The following SMG5 variants were observed in gnomAD, a reference collection of about 807,000 sequenced individuals.
SMG5 encodes the protein SMG5 nonsense mediated mRNA decay factor, also known as nonsense-mediated mRNA decay factor SMG5.
Under a neutral mutation model 122.9 loss-of-function variants are expected in SMG5, and 53 were observed. That is an observed-to-expected ratio of 0.43 (90% CI 0.35 to 0.54). SMG5 has a LOEUF of 0.54. SMG5 is among the 20% of genes least tolerant of loss of function. SMG5 has a pLI of 0.01. For synonymous variants in SMG5, 477 were observed against 490.2 expected (o/e 0.97, Z 0.35); for missense variants, 1,153 against 1,285.6 (o/e 0.90, Z 1.58).
intron 7 of SMG5, among the ~76,000 whole-genome samples, chr1:156,270,267 G>A (rs747231336): frequency 1.8e-4 from 28 of 152,166 alleles, no homozygotes; most frequent in Non-Finnish European, 3.7e-4. Flanking sequence ...GAAGGGCTAT[G>A]ACCAATAGAA....
intron 6 of SMG5, among the ~76,000 whole-genome samples, chr1:156,272,641 C>T (rs1662488655): frequency 2.0e-5 from 3 of 150,670 alleles, no homozygotes; most frequent in Non-Finnish European, 3.0e-5. Context: ...GGTGTGATCT[C>T]GGCTCACTGC....
chr1:156,251,757 G>A (rs1256185833), intron 19 of SMG5, among the ~76,000 whole-genome samples: 2 of 152,226 alleles, frequency 1.3e-5, no homozygotes, highest in Non-Finnish European at 2.9e-5. Flanking sequence ...TGGAGACAAG[G>A]TCCGAACAAT....
At chr1:156,266,778 G>T in intron 10 of SMG5, 100 bp from the exon 11 acceptor site, 3 of 1,309,108 alleles carry the variant, frequency 2.3e-6, no homozygotes, top group South Asian at 1.5e-5. Flanking sequence ...CTCTTCCAAG[G>T]ATCCAACTAC....
chr1:156,262,624 C>T (rs1661908244), intron 13 of SMG5, among the ~76,000 whole-genome samples: 1 of 152,110 alleles, frequency 6.6e-6, no homozygotes, highest in Non-Finnish European at 1.5e-5. Context: ...TGTGCCCATA[C>T]TGGAACACCT....
intron 15 of SMG5, among the ~76,000 whole-genome samples, chr1:156,260,210 G>C (rs1236417218): frequency 3.3e-5 from 5 of 152,198 alleles, no homozygotes; most frequent in Non-Finnish European, 7.3e-5. Flanking sequence ...GAAAGGAAGG[G>C]GGTGGTTGTT....
intron 9 of SMG5, 77 bp downstream of exon 9, chr1:156,268,038 C>G: frequency 6.8e-7 from 1 of 1,468,496 alleles, no homozygotes; most frequent in Non-Finnish European, 9.4e-7. Context: ...ACAGTCCACC[C>G]TTGTCAAGGT....
At chr1:156,274,509 A>G in intron 5 of SMG5, 88 bp downstream of exon 5, 2 of 1,203,450 alleles carry the variant, frequency 1.7e-6, no homozygotes, top group South Asian at 1.2e-5. Context: ...CTGCTCTCCA[A>G]CCATGTAATG....
chr1:156,266,091 T>C lies in SMG5; in HGVS notation c.1545A>G (p.Glu515=), dbSNP rs1421544428. 7 of 1,614,072 alleles carry C rather than the reference T, an allele frequency of 4.3e-6. No individual in the cohort carries two copies. Among genetic ancestry groups the C allele is most frequent in the Non-Finnish European group, 3.4e-6 (4 of 1,180,032 alleles). The part of the protein sequence containing the change: ...GTAFDAETDS[E]MNSQESRSDL... ...CTGATCGGGACTCCTGGCTATTCAT[T>C]TCCGAGTCTGTTTCAGCATCAAAGG... The change falls in exon 12 of 22, where the codon GAA becomes GAG. Residue 515 remains glutamate, a synonymous_variant. Transcript: ENST00000361813.
In SMG5 at chr1:156,249,341, C is replaced by A. The variant is rs1261372533; in HGVS notation, c.*1246G>T. On this transcript the variant is annotated 3_prime_UTR_variant, in exon 22 of 22. Transcript: ENST00000361813. ...GACTTGCTATTTTAGAGGAGAGAGG[C>A]AGGAAGCCAACTATCCTCTAAGCCA... 5 of 207,962 alleles carry A rather than the reference C, an allele frequency of 2.4e-5. No homozygotes were observed. Among genetic ancestry groups the A allele is most frequent in the Admixed American group, 5.3e-5 (1 of 19,010 alleles). The allele number at this position is 207,962 out of a possible 1,614,324, so 12.9% of individuals were successfully genotyped here.
intron 12 of SMG5, among the ~76,000 whole-genome samples, chr1:156,263,807 T>C (rs1661980173): frequency 6.6e-6 from 1 of 152,234 alleles, no homozygotes; most frequent in African/African-American, 2.4e-5. Flanking sequence ...TTTTAAAATA[T>C]GGTGCCTTTT....
At chr1:156,273,248 G>C in intron 6 of SMG5, 113 bp downstream of exon 6, 1 of 812,860 alleles carries the variant, frequency 1.2e-6, no homozygotes. Flanking sequence ...CGAGAGAGCT[G>C]AGAATGAAGA....
upstream of SMG5, chr1:156,286,033 C>A: frequency 6.4e-7 from 1 of 1,560,500 alleles, no homozygotes; most frequent in Non-Finnish European, 8.7e-7. Flanking sequence ...TTGAGGAGGG[C>A]AGGGCCTGGC....
In SMG5 at chr1:156,249,936, G is replaced by A. The variant is rs1661253396; in HGVS notation, c.*651C>T. On this transcript the variant is annotated 3_prime_UTR_variant, in exon 22 of 22. Transcript: ENST00000361813. Reference sequence around the variant, plus strand: ...GAGGGAGACACAAAGCAGAAGTGGGGCAATGGGATGTGCAGCCCCTGCAGC... The same window carrying A: ...GAGGGAGACACAAAGCAGAAGTGGGACAATGGGATGTGCAGCCCCTGCAGC... The A allele has an allele frequency of 2.1e-6, 1 of 471,150 alleles. No homozygotes were observed. The highest frequency in any genetic ancestry group is 4.4e-6 in the Non-Finnish European group (1 of 227,032). 29.2% of individuals were successfully genotyped at this position (471,150 alleles called of 1,614,324 possible).
At chr1:156,256,943 TC>T (rs111460919) in intron 16 of SMG5, among the ~76,000 whole-genome samples, 32,398 of 142,604 alleles carry the variant, frequency 0.23, 3,839 homozygotes, top group Admixed American at 0.32. Context: ...TTTTTTTTTT[TC>T]CAGACAGAGT....
chr1:156,259,216 C>A, intron 15 of SMG5, 53 bp from the exon 16 acceptor site: 1 of 1,496,126 alleles, frequency 6.7e-7, no homozygotes, highest in Non-Finnish European at 8.9e-7. Flanking sequence ...TCTAGACCCA[C>A]CCTGCCCTCC....
intron 16 of SMG5, among the ~76,000 whole-genome samples, chr1:156,257,207 G>C (rs1003318723): frequency 6.6e-6 from 1 of 152,130 alleles, no homozygotes; most frequent in Non-Finnish European, 1.5e-5. Context: ...GATTATAGGC[G>C]TGAGCCACAG....
At chr1:156,252,639 C>G in intron 18 of SMG5, 135 bp from the exon 19 acceptor site, 1 of 905,012 alleles carries the variant, frequency 1.1e-6, no homozygotes, top group East Asian at 2.7e-5. Context: ...AGAGGGCTCC[C>G]AAAGTTCTCT....
upstream of SMG5, among the ~76,000 whole-genome samples, chr1:156,287,654 G>C (rs1663207860): frequency 9.1e-6 from 1 of 110,218 alleles, no homozygotes; most frequent in Non-Finnish European, 1.7e-5. Flanking sequence ...CACTCTTGTT[G>C]CCCAGGCTGG....
chr1:156,260,260 G>C (rs549731346), intron 15 of SMG5, among the ~76,000 whole-genome samples, 191 bp downstream of exon 15: 1 of 152,308 alleles, frequency 6.6e-6, no homozygotes, highest in East Asian at 1.9e-4. Flanking sequence ...CCTTTAGAAG[G>C]ACTGCCAAGG....
Sources: allele counts gnomAD v4.1 joint callset (sites outside exome capture counted in the v4.1 genomes callset), GRCh38; gene constraint gnomAD v4.1.1; transcripts MANE v1.5; gene names NCBI Gene and HGNC (gene_info 2026-07-23, HGNC 2026-07-21).